The following DMRT1 variants were observed in gnomAD, a reference collection of about 807,000 sequenced individuals.
DMRT1 encodes the protein doublesex- and mab-3-related transcription factor 1.
In DMRT1, 7 loss-of-function variants were observed where a neutral mutation model predicts 32.3. That is an observed-to-expected ratio of 0.22 (90% confidence interval 0.12 to 0.41). DMRT1 has a LOEUF of 0.41. Among genes scored for constraint, DMRT1 ranks in the 10% least tolerant of loss-of-function variants. The pLI, the probability that DMRT1 is intolerant of heterozygous loss-of-function variation, is 1.00. For missense variants in DMRT1, 625 were observed against 500.5 expected (o/e 1.25, Z -2.37); for synonymous variants, 278 against 206.1 (o/e 1.35, Z -2.99).
At chr9:925,720 C>A (rs886664909) in intron 4 of DMRT1, among the ~76,000 whole-genome samples, 2 of 152,310 alleles carry the variant, frequency 1.3e-5, no homozygotes, top group South Asian at 4.1e-4. Context: ...AAGACAATAT[C>A]TGACCACTCT....
chr9:967,832 G>C (rs1409114527), intron 4 of DMRT1, among the ~76,000 whole-genome samples, 153 bp from the exon 5 acceptor site: 1 of 152,154 alleles, frequency 6.6e-6, no homozygotes, highest in South Asian at 2.1e-4. Flanking sequence ...GTTTTAATGA[G>C]TGTCTATAAA....
At chr9:848,643 T>G (rs1319681400) in intron 2 of DMRT1, among the ~76,000 whole-genome samples, 1 of 145,108 alleles carries the variant, frequency 6.9e-6, no homozygotes, top group African/African-American at 2.5e-5. Flanking sequence ...AACCTCCACC[T>G]CCTGGGTTCA....
At chr9:847,197 G>C in intron 2 of DMRT1, 54 bp downstream of exon 2, 1 of 1,582,796 alleles carries the variant, frequency 6.3e-7, no homozygotes, top group Non-Finnish European at 8.6e-7. Context: ...GGAGGCCGAA[G>C]GGTTGCAGCC....
intron 4 of DMRT1, among the ~76,000 whole-genome samples, chr9:922,749 G>A (rs985576915): frequency 1.3e-5 from 2 of 152,132 alleles, no homozygotes; most frequent in African/African-American, 2.4e-5. Flanking sequence ...CTTCCTTCAC[G>A]TCCAAGCTGC....
At chr9:915,779 C>G (rs368981069) in intron 3 of DMRT1, among the ~76,000 whole-genome samples, 1 of 150,764 alleles carries the variant, frequency 6.6e-6, no homozygotes, top group Admixed American at 6.6e-5. Context: ...GTCGCCCAGG[C>G]TGGAGTGCAG....
chr9:937,074 C>G (rs1021117639), intron 4 of DMRT1, among the ~76,000 whole-genome samples: 1 of 152,132 alleles, frequency 6.6e-6, no homozygotes, highest in African/African-American at 2.4e-5. Context: ...TTTCAAATAC[C>G]TCATATAAAT....
chr9:871,633 G>GT (rs1816265797), intron 2 of DMRT1, among the ~76,000 whole-genome samples: 1 of 139,950 alleles, frequency 7.1e-6, no homozygotes, highest in Non-Finnish European at 1.5e-5. Context: ...GAGCCACCGC[G>GT]CCGGCTAACT....
At chr9:870,412 CAAT>C (rs895512760) in intron 2 of DMRT1, among the ~76,000 whole-genome samples, 1 of 151,202 alleles carries the variant, frequency 6.6e-6, no homozygotes, top group Non-Finnish European at 1.5e-5. Context: ...AAAACAACAA[CAAT>C]AACAACAACA....
At chr9:967,724 T>C (rs1214135128) in intron 4 of DMRT1, among the ~76,000 whole-genome samples, 1 of 152,208 alleles carries the variant, frequency 6.6e-6, no homozygotes, top group African/African-American at 2.4e-5. Flanking sequence ...TGTTTTTTAA[T>C]GAACGTTAAA....
At position 847,114 on chromosome 9, in the gene DMRT1, C is replaced by A. The variant is rs201896486; in HGVS notation, c.509C>A (p.Pro170Gln). 2.4e-5 allele frequency: 39 copies of A among 1,613,336 alleles called. No individual in the cohort carries two copies. The East Asian group carries it at 8.2e-4, about 34-fold the overall frequency. Reference sequence around the variant, plus strand: ...TGCAGTGGCACCTCTCAGCCACCGCCGGCCAGTGTCCCCACCACTGCAGCT... The same window carrying A: ...TGCAGTGGCACCTCTCAGCCACCGCAGGCCAGTGTCCCCACCACTGCAGCT... ...TECSGTSQPP[P>Q]ASVPTTAASE... The change falls in exon 2 of 5, where the codon CCG (proline) becomes CAG (glutamine). Residue 170 changes from proline to glutamine, a missense_variant. By Grantham distance (76) the Pro-to-Gln change is moderately conservative (BLOSUM62 -1). Coordinates refer to ENST00000382276, the MANE Select transcript of DMRT1 (RefSeq NM_021951.3).
chr9:921,249 C>G (rs187072061), intron 4 of DMRT1, among the ~76,000 whole-genome samples: 4 of 152,132 alleles, frequency 2.6e-5, no homozygotes, highest in East Asian at 1.9e-4. Context: ...TAATATGTAG[C>G]CTTTTGTGTC....
intron 4 of DMRT1, among the ~76,000 whole-genome samples, chr9:960,413 C>A (rs1819733916): frequency 6.6e-6 from 1 of 152,178 alleles, no homozygotes; most frequent in African/African-American, 2.4e-5. Context: ...CAGACACTCA[C>A]AATTCTTTCC....
chr9:905,473 C>CGTGTGTGTGTGTGTGTGTGTGT (rs745430195), intron 3 of DMRT1, among the ~76,000 whole-genome samples: 2 of 143,494 alleles, frequency 1.4e-5, no homozygotes, highest in Non-Finnish European at 3.0e-5. Context: ...CTCCCTTGCC[C>CGTGTGTGTGTGTGTGTGTGTGT]CTGTGTGTGT....
chr9:967,830 G>C (rs193087227), intron 4 of DMRT1, among the ~76,000 whole-genome samples, 155 bp from the exon 5 acceptor site: 1 of 152,274 alleles, frequency 6.6e-6, no homozygotes, highest in African/African-American at 2.4e-5. Context: ...GAGTTTTAAT[G>C]AGTGTCTATA....
intron 4 of DMRT1, among the ~76,000 whole-genome samples, chr9:938,745 T>A (rs1057066679): frequency 1.4e-4 from 21 of 152,216 alleles, no homozygotes; most frequent in Admixed American, 2.6e-4. Flanking sequence ...TTCTAGTCTA[T>A]TTGCTCTGAC....
At chr9:899,843 G>A (rs1817504413) in intron 3 of DMRT1, among the ~76,000 whole-genome samples, 1 of 152,198 alleles carries the variant, frequency 6.6e-6, no homozygotes, top group Non-Finnish European at 1.5e-5. Context: ...TATGGCAGGC[G>A]CCCTCTTGAC....
At chr9:924,186 C>A (rs1466799343) in intron 4 of DMRT1, among the ~76,000 whole-genome samples, 1 of 151,616 alleles carries the variant, frequency 6.6e-6, no homozygotes, top group Non-Finnish European at 1.5e-5. Context: ...ATTCTCCTAC[C>A]TCAGCCTCCT....
chr9:888,145 GAATT>G (rs1488327988), intron 2 of DMRT1, among the ~76,000 whole-genome samples: 1 of 152,160 alleles, frequency 6.6e-6, no homozygotes, highest in Non-Finnish European at 1.5e-5. Flanking sequence ...TTGAATAGAT[GAATT>G]AAGTTACTGT....
At chr9:872,199 T>C (rs56138458) in intron 2 of DMRT1, among the ~76,000 whole-genome samples, 2,414 of 151,062 alleles carry the variant, frequency 0.016, 184 homozygotes, top group African/African-American at 0.056. Flanking sequence ...GTAGCTGGGA[T>C]TACAGGCGCC....
Sources: gnomAD v4.1 joint callset for allele counts (sites outside exome capture counted in the v4.1 genomes callset) on GRCh38, gnomAD v4.1.1 for gene constraint, MANE v1.5 for transcripts, NCBI Gene and HGNC (gene_info 2026-07-23, HGNC 2026-07-21) for gene names.